NAA40: variants seen among roughly 807,000 people sequenced by gnomAD.
The protein encoded by NAA40 is N-alpha-acetyltransferase 40, NatD catalytic subunit.
A neutral mutation model predicts 36.6 loss-of-function variants in NAA40; 26 were observed. The ratio of observed to expected loss-of-function variants is 0.71; its 90% CI spans 0.52 to 0.98. The LOEUF (loss-of-function observed/expected upper bound fraction) is 0.98. Among genes scored for constraint, NAA40 ranks in the 50% least tolerant of loss-of-function variants. The pLI is 0.00. For synonymous variants in NAA40, 129 were observed against 108.4 expected (o/e 1.19, Z -1.18); for missense variants, 237 against 306.5 (o/e 0.77, Z 1.69).
intron 1 of NAA40, chr11:63,939,573 C>G: frequency 1.2e-6 from 1 of 810,796 alleles, no homozygotes. Flanking sequence ...CCTTGGGCCT[C>G]CCGAATCCCA....
chr11:63,943,871 A>G (rs1424485085), intron 1 of NAA40, among the ~76,000 whole-genome samples: 1 of 152,242 alleles, frequency 6.6e-6, no homozygotes, highest in Non-Finnish European at 1.5e-5. Flanking sequence ...TGTTGTCTTG[A>G]AATCTAAATT....
chr11:63,950,962 G>T (rs991423497), intron 3 of NAA40, among the ~76,000 whole-genome samples: 2 of 152,210 alleles, frequency 1.3e-5, no homozygotes, highest in African/African-American at 4.8e-5. Flanking sequence ...GTTAAGATAG[G>T]TGCAGTGCTG....
intron 3 of NAA40, among the ~76,000 whole-genome samples, chr11:63,949,346 G>A (rs1329107721): frequency 4.6e-5 from 7 of 151,984 alleles, no homozygotes; most frequent in Non-Finnish European, 8.8e-5. Flanking sequence ...TTAGATTCGC[G>A]GGGTACATGT....
chr11:63,946,106 G>A (rs111438586), intron 2 of NAA40, 171 bp downstream of exon 2: 8,685 of 616,788 alleles, frequency 0.014, 109 homozygotes, highest in Middle Eastern at 0.07. Context: ...GGAAGTTGGC[G>A]CCAGCAGTTG....
chr11:63,940,209 CCCGG>C (rs1171467666), intron 1 of NAA40, among the ~76,000 whole-genome samples: 1 of 152,050 alleles, frequency 6.6e-6, no homozygotes, highest in African/African-American at 2.4e-5. Flanking sequence ...CGCTACTATG[CCCGG>C]CTCATTTTTG....
At chr11:63,945,252 CGTT>C (rs1942168432) in intron 1 of NAA40, among the ~76,000 whole-genome samples, 2 of 152,176 alleles carry the variant, frequency 1.3e-5, no homozygotes, top group South Asian at 4.1e-4. Context: ...CCCTGTCACT[CGTT>C]GGCCTTAACT....
chr11:63,949,621 G>A (rs1942243575), intron 3 of NAA40, among the ~76,000 whole-genome samples: 2 of 152,006 alleles, frequency 1.3e-5, no homozygotes, highest in African/African-American at 2.4e-5. Flanking sequence ...GATAAACTGG[G>A]GCTCTGGGGG....
At chr11:63,946,864 T>A (rs1338414340) in intron 2 of NAA40, 87 bp from the exon 3 acceptor site, 2 of 1,607,384 alleles carry the variant, frequency 1.2e-6, no homozygotes, top group East Asian at 4.5e-5. Context: ...CCCCACAGCA[T>A]CCCACTCCAA....
At chr11:63,946,375 G>A (rs761810689) in intron 2 of NAA40, 20 of 281,532 alleles carry the variant, frequency 7.1e-5, no homozygotes, top group Admixed American at 2.1e-4. Context: ...CACCACACCC[G>A]GGTAATTTTT....
intron 1 of NAA40, among the ~76,000 whole-genome samples, chr11:63,941,322 G>A (rs1328383120): frequency 7.2e-5 from 11 of 152,158 alleles, no homozygotes; most frequent in Admixed American, 7.2e-4. Context: ...GGCTGAGTGA[G>A]GCTTCAGATG....
Position 63,954,003 on chromosome 11 carries a change from T to C in NAA40, c.526T>C (p.Phe176Leu). ...GATGAAGAAGGTTATGTTAACAGTATTTAAACACAATCATGGTGCCTACCA... is the reference window on the plus strand; with the variant it reads ...GATGAAGAAGGTTATGTTAACAGTACTTAAACACAATCATGGTGCCTACCA... ...TQMKKVMLTV[F>L]KHNHGAYQFF... is the part of the protein sequence containing the mutation. The change falls in exon 7 of 8, where the codon TTT (phenylalanine) becomes CTT (leucine). Residue 176 changes from phenylalanine (F) to leucine (L), a missense_variant. Coordinates refer to ENST00000377793, the MANE Select transcript of NAA40 (RefSeq NM_024771.4). The C allele has an allele frequency of 6.2e-7, 1 of 1,614,118 alleles. No homozygotes were observed. Among genetic ancestry groups the C allele is most frequent in the Non-Finnish European group, 8.5e-7 (1 of 1,180,018 alleles).
At chr11:63,945,718 G>T in intron 1 of NAA40, 122 bp from the exon 2 acceptor site, 4 of 832,508 alleles carry the variant, frequency 4.8e-6, no homozygotes, top group Non-Finnish European at 8.1e-6. Flanking sequence ...GGCAGCAGAG[G>T]TGGGAAATTT....
chr11:63,955,991 C>G lies in NAA40; in HGVS notation c.*1512C>G, dbSNP rs569699491. ...ACCCTCTGCCCAACTCTGGCAGTCT[C>G]TCCTGGCAGATCTCCCCAGAGTGGT... On this transcript the variant is annotated 3_prime_UTR_variant, in exon 8 of 8. Transcript: ENST00000377793. 2.0e-4 allele frequency: 31 copies of G among 152,800 alleles called. No homozygotes were observed. The highest frequency in any genetic ancestry group is 4.1e-4 in the Non-Finnish European group (28 of 68,104). The allele number at this position is 152,800 out of a possible 1,614,324, so 9.5% of individuals were successfully genotyped here.
At chr11:63,946,743 C>T (rs1184140594) in intron 2 of NAA40, 1 of 1,529,384 alleles carries the variant, frequency 6.5e-7, no homozygotes, top group South Asian at 1.2e-5. Flanking sequence ...AAACTTAACT[C>T]TCCTGGGCCT....
intron 3 of NAA40, among the ~76,000 whole-genome samples, chr11:63,947,943 A>C (rs993828052): frequency 6.6e-6 from 1 of 151,858 alleles, no homozygotes; most frequent in African/African-American, 2.4e-5. Flanking sequence ...GCTGGTCTTG[A>C]ACTCCTGACC....
chr11:63,945,065 A>G (rs962097174), intron 1 of NAA40, among the ~76,000 whole-genome samples: 1 of 152,120 alleles, frequency 6.6e-6, no homozygotes, highest in African/African-American at 2.4e-5. Flanking sequence ...CCTGATCTAG[A>G]AGCAGCTGTG....
chr11:63,945,867 A>C lies in NAA40; in HGVS notation c.34A>C (p.Lys12Gln), dbSNP rs749542610. ...AAAGTCAAGCAAAGCCAAGGAGAAGAAGCAGAAGCGGTTGGAGGAGCGAGC... is the reference window on the plus strand; with the variant it reads ...AAAGTCAAGCAAAGCCAAGGAGAAGCAGCAGAAGCGGTTGGAGGAGCGAGC... ...GRKSSKAKEK[K>Q]QKRLEERAAM... Residue 12 changes from lysine (K) to glutamine (Q), a missense_variant, in exon 2 of 8, where the codon AAG (lysine) becomes CAG (glutamine). Transcript: ENST00000377793. The C allele has an allele frequency of 1.6e-5, 26 of 1,614,034 alleles. 1 individual carries two copies. The highest frequency in any genetic ancestry group is 1.2e-4 in the Admixed American group (7 of 59,990).
chr11:63,947,127 C>T (rs959290407), intron 3 of NAA40, 124 bp downstream of exon 3: 2 of 1,052,234 alleles, frequency 1.9e-6, no homozygotes, highest in South Asian at 2.7e-5. Flanking sequence ...AAAAACAGGG[C>T]TGGGTGCGGT....
chr11:63,952,957 G>A, intron 6 of NAA40, 118 bp downstream of exon 6: 1 of 743,366 alleles, frequency 1.3e-6, no homozygotes, highest in Non-Finnish European at 2.2e-6. Flanking sequence ...TGTTTTGGGA[G>A]AAAGGTGTCT....
Sources: allele counts gnomAD v4.1 joint callset (sites outside exome capture counted in the v4.1 genomes callset), GRCh38; gene constraint gnomAD v4.1.1; transcripts MANE v1.5; gene names NCBI Gene and HGNC (gene_info 2026-07-23, HGNC 2026-07-21).